The following PSD3 variants were observed in gnomAD, a reference collection of about 807,000 sequenced individuals.
PSD3 encodes PH and SEC7 domain-containing protein 3.
In PSD3, 49 loss-of-function variants were observed where a neutral mutation model predicts 105.5. The ratio of observed to expected loss-of-function variants is 0.46; its 90% CI spans 0.37 to 0.59. PSD3 has a LOEUF of 0.59. Ranked by LOEUF, PSD3 falls within the 20% of genes least tolerant of loss-of-function variation. PSD3 has a pLI of 0.00. For synonymous variants in PSD3, 557 were observed against 457.8 expected (o/e 1.22, Z -2.77); for missense variants, 1,561 against 1,263.8 (o/e 1.24, Z -3.57).
At chr8:19,030,388 C>A (rs542949101) in intron 1 of PSD3, among the ~76,000 whole-genome samples, 1 of 152,098 alleles carries the variant, frequency 6.6e-6, no homozygotes, top group Non-Finnish European at 1.5e-5. Context: ...ACCCAAATCT[C>A]GTGTTGAATT....
rs764668783 is a variant in PSD3, at chr8:18,867,798, T to C, written c.1510A>G (p.Ile504Val). 2 of 1,614,036 alleles carry C rather than the reference T, an allele frequency of 1.2e-6. No homozygotes were observed. The highest frequency in any genetic ancestry group is 1.7e-6 in the Non-Finnish European group (2 of 1,180,028). The change falls in exon 4 of 16, where the codon ATC (isoleucine) becomes GTC (valine). Residue 504 changes from isoleucine to valine, a missense_variant. Ile to Val is a conservative substitution (Grantham distance 29). Transcript: ENST00000327040. Reference sequence around the variant, plus strand: ...CCACCATCTGCAGACACACTCAGGATATCCTGATGTCCTCCCCCTGATGTC... The same window carrying C: ...CCACCATCTGCAGACACACTCAGGACATCCTGATGTCCTCCCCCTGATGTC... ...ERTSGGGHQDILSVSADGGIV... is the reference protein window; with the variant it reads ...ERTSGGGHQDVLSVSADGGIV...
intron 1 of PSD3, among the ~76,000 whole-genome samples, chr8:18,980,945 G>A (rs1825220038): frequency 6.6e-6 from 1 of 151,952 alleles, no homozygotes; most frequent in Admixed American, 6.6e-5. Flanking sequence ...TCCCCCAACT[G>A]GAATACCACC....
At chr8:18,981,306 T>C (rs1475354438) in intron 1 of PSD3, among the ~76,000 whole-genome samples, 1 of 151,982 alleles carries the variant, frequency 6.6e-6, no homozygotes, top group Non-Finnish European at 1.5e-5. Flanking sequence ...CCAACACACA[T>C]ACAAAAAAAG....
chr8:18,786,023 G>C (rs528874410), intron 8 of PSD3, among the ~76,000 whole-genome samples: 2 of 152,142 alleles, frequency 1.3e-5, no homozygotes, highest in Non-Finnish European at 2.9e-5. Flanking sequence ...GTGTAATAAA[G>C]CAAAGGACAA....
chr8:18,948,635 C>CT (rs774846433), intron 1 of PSD3, among the ~76,000 whole-genome samples: 1 of 152,074 alleles, frequency 6.6e-6, no homozygotes, highest in African/African-American at 2.4e-5. Flanking sequence ...TCAAAAAAGC[C>CT]TTGAAACCTT....
At chr8:18,585,254 A>T (rs1362436211) in intron 12 of PSD3, among the ~76,000 whole-genome samples, 8 of 152,194 alleles carry the variant, frequency 5.3e-5, no homozygotes, top group Admixed American at 5.2e-4. Flanking sequence ...ATCATTTCAT[A>T]CACAGACTGC....
At chr8:19,079,641 A>G (rs1829577771) in intron 1 of PSD3, among the ~76,000 whole-genome samples, 1 of 152,188 alleles carries the variant, frequency 6.6e-6, no homozygotes, top group African/African-American at 2.4e-5. Flanking sequence ...AACTCGTAAT[A>G]GGGGACTTTA....
At chr8:19,032,979 G>A (rs1827820315) in intron 1 of PSD3, among the ~76,000 whole-genome samples, 1 of 152,122 alleles carries the variant, frequency 6.6e-6, no homozygotes, top group Admixed American at 6.6e-5. Flanking sequence ...TAGGCATGGT[G>A]GTACCTGCCT....
At chr8:18,618,002 T>C (rs1805822721) in intron 11 of PSD3, among the ~76,000 whole-genome samples, 1 of 152,200 alleles carries the variant, frequency 6.6e-6, no homozygotes, top group African/African-American at 2.4e-5. Context: ...TCTAGTATCT[T>C]TTAAGGTCCA....
chr8:18,786,180 G>T (rs947789358), intron 8 of PSD3, among the ~76,000 whole-genome samples: 2 of 152,034 alleles, frequency 1.3e-5, no homozygotes, highest in African/African-American at 2.4e-5. Context: ...CTCCAGCCTG[G>T]GTGACACAGC....
At chr8:18,973,143 G>A (rs1824744798) in intron 1 of PSD3, among the ~76,000 whole-genome samples, 1 of 152,160 alleles carries the variant, frequency 6.6e-6, no homozygotes, top group Admixed American at 6.5e-5. Flanking sequence ...CCATCTGGGG[G>A]TTCTGAGTTC....
intron 2 of PSD3, among the ~76,000 whole-genome samples, chr8:18,904,115 G>A (rs1201944561): frequency 2.6e-5 from 4 of 152,166 alleles, no homozygotes; most frequent in Non-Finnish European, 5.9e-5. Context: ...AGGACCTCAG[G>A]AAGCTTTTAC....
At chr8:18,861,209 C>G (rs1252371618) in intron 4 of PSD3, among the ~76,000 whole-genome samples, 2 of 152,118 alleles carry the variant, frequency 1.3e-5, no homozygotes, top group Non-Finnish European at 2.9e-5. Context: ...CCTGGGCTCC[C>G]TGACAATCGA....
chr8:18,604,536 G>A (rs949900613), intron 11 of PSD3, among the ~76,000 whole-genome samples: 15 of 151,300 alleles, frequency 9.9e-5, no homozygotes, highest in African/African-American at 2.4e-4. Context: ...GCCTGGCCAC[G>A]TGATAGAAAA....
chr8:18,591,394 A>C (rs2465882), intron 12 of PSD3, among the ~76,000 whole-genome samples: 7,713 of 152,240 alleles, frequency 0.051, 646 homozygotes, highest in African/African-American at 0.18. Context: ...AGAACAAAGG[A>C]AAGTGGTGGG....
chr8:18,746,876 T>G (rs1585814699), intron 9 of PSD3, among the ~76,000 whole-genome samples: 1 of 152,192 alleles, frequency 6.6e-6, no homozygotes, highest in African/African-American at 2.4e-5. Flanking sequence ...AATGCCAGGG[T>G]TGTGATTTAA....
chr8:18,970,973 T>C (rs1341322886), intron 1 of PSD3, among the ~76,000 whole-genome samples: 1 of 147,986 alleles, frequency 6.8e-6, no homozygotes, highest in Non-Finnish European at 1.5e-5. Context: ...AGCGAGACTC[T>C]GTCTCAAGAA....
chr8:19,031,470 G>A (rs1201387025), intron 1 of PSD3, among the ~76,000 whole-genome samples: 1 of 149,686 alleles, frequency 6.7e-6, no homozygotes, highest in Non-Finnish European at 1.5e-5. Flanking sequence ...ATAGGGAACA[G>A]AGTACTATAC....
chr8:18,822,927 T>TGG (rs2129449572), intron 4 of PSD3, among the ~76,000 whole-genome samples: 1 of 152,270 alleles, frequency 6.6e-6, no homozygotes, highest in South Asian at 2.1e-4. Flanking sequence ...TGGCACTACC[T>TGG]CACTCCCATC....
Sources: allele counts gnomAD v4.1 joint callset (sites outside exome capture counted in the v4.1 genomes callset), GRCh38; gene constraint gnomAD v4.1.1; transcripts MANE v1.5; gene names NCBI Gene and HGNC (gene_info 2026-07-23, HGNC 2026-07-21).